Variants in MZF1 observed in about 807,000 individuals in gnomAD.
MZF1 encodes the protein zinc finger and SCAN domain-containing protein 6.
A neutral mutation model predicts 28.6 loss-of-function variants in MZF1; 24 were observed. The ratio of observed to expected loss-of-function variants is 0.84; its 90% confidence interval spans 0.61 to 1.18. The LOEUF (loss-of-function observed/expected upper bound fraction) is 1.18. MZF1 is among the 50% of genes most tolerant of loss of function. MZF1 has a pLI of 0.00. For missense variants in MZF1, 1,166 were observed against 1,026.4 expected, an observed-to-expected ratio of 1.14 and a Z score of -1.86; for synonymous variants, 516 against 432.5, an observed-to-expected ratio of 1.19 and a Z score of -2.40.
intron 5 of MZF1, chr19:58,568,679 A>C (rs1490366025): frequency 6.6e-6 from 1 of 152,420 alleles, no homozygotes; most frequent in Non-Finnish European, 1.5e-5. Context: ...GCTCCACCAA[A>C]ACAAAGGTGT....
In MZF1 at chr19:58,573,264, C is replaced by T. The variant is rs1441452484; in HGVS notation, c.-250G>A. The T allele has an allele frequency of 6.6e-6, 1 of 152,632 alleles. No homozygotes were observed. Among genetic ancestry groups the T allele is most frequent in the Non-Finnish European group, 1.5e-5 (1 of 68,112 alleles). 9.5% of individuals were successfully genotyped at this position (152,632 alleles called of 1,614,324 possible). A position where few individuals can be genotyped will look rare whatever the true frequency, so the allele number is the denominator to read the frequency against. On this transcript the variant is annotated 5_prime_UTR_variant, in exon 1 of 6. The change abolishes an upstream ATG in the 5' untranslated region. Coordinates refer to ENST00000215057, the MANE Select transcript of MZF1 (RefSeq NM_198055.2). ...GGTCATACTCCTGGCCGCTTCTTCC[C>T]ATGCTCCCCGCCTCGAATCCGTGCG...
chr19:58,571,071 G>A lies in MZF1; in HGVS notation c.319C>T (p.Gln107Ter). The change falls in exon 2 of 6, where the codon CAG becomes TAG. Residue 107 changes from glutamine (Q) to a stop codon, truncating the protein, a stop_gained. Transcript: ENST00000215057. LOFTEE classifies it high-confidence loss of function. ...GCCTCCTCGGGGCTGCCTGGCCGCT[G>A]CCCCTGCACACGGGCCTGGATCTCA... The part of the protein sequence containing the change: ...PPEIQARVQG[Q>*]RPGSPEEAAA... The A allele has an allele frequency of 2.5e-6, 4 of 1,613,582 alleles. No homozygotes were observed. The highest frequency in any genetic ancestry group is 3.4e-6 in the Non-Finnish European group (4 of 1,179,934).
rs762731329 is a variant in MZF1 at position 58,563,430 on chromosome 19, G to A, written c.847C>T (p.Leu283Phe). Residue 283 changes from leucine (L) to phenylalanine (F), a missense_variant, in exon 6 of 6, where the codon CTC becomes TTC. Physicochemically the swap from Leu to Phe is conservative, Grantham distance 22. Transcript: ENST00000215057. ...VSPHLHVPWD[L>F]GMAGLSGQIQ... The stretch of plus-strand genomic sequence containing the variant: ...TGGCCAGAAAGGCCAGCCATGCCGA[G>A]GTCCCAGGGGACGTGGAGGTGAGGG... 1.3e-6 allele frequency: 2 copies of A among 1,590,426 alleles called. No individual in the cohort carries two copies. Among genetic ancestry groups the A allele is most frequent in the Non-Finnish European group, 1.7e-6 (2 of 1,168,314 alleles).
In MZF1 at chr19:58,562,149, C is replaced by A; in HGVS notation, c.2128G>T (p.Ala710Ser). 1 of 1,588,942 alleles carries A rather than the reference C, an allele frequency of 6.3e-7. No homozygotes were observed. Among genetic ancestry groups the A allele is most frequent in the East Asian group, 2.3e-5 (1 of 43,344 alleles). ...AAGCGGCGGCCACAGTCCTGGCAGG[C>A]GAAGGGCTTCTCTCGTCGGTGGGTG... ...LRTHRREKPF[A>S]CQDCGRRFHQ... Residue 710 changes from alanine (A) to serine (S), a missense_variant, in exon 6 of 6, where the codon GCC (alanine) becomes TCC (serine). Ala to Ser is a moderately conservative substitution (Grantham distance 99). Coordinates refer to ENST00000215057, the MANE Select transcript of MZF1 (RefSeq NM_198055.2).
upstream of MZF1, chr19:58,573,378 T>C (rs2054203089): frequency 6.6e-6 from 1 of 152,498 alleles, no homozygotes; most frequent in Admixed American, 6.5e-5. Context: ...CTCACTTCTC[T>C]ACGGGCCTTC....
chr19:58,567,924 C>T (rs1337629873), intron 5 of MZF1, among the ~76,000 whole-genome samples: 1 of 152,038 alleles, frequency 6.6e-6, no homozygotes, highest in Admixed American at 6.6e-5. Flanking sequence ...AGAATAAAAA[C>T]ACTCTTGGAA....
chr19:58,563,877 A>G (rs572586644), intron 5 of MZF1: 21 of 193,680 alleles, frequency 1.1e-4, no homozygotes, highest in South Asian at 3.1e-4. Context: ...GCCAACAGAA[A>G]GAGGGTGCAG....
At position 58,571,262 on chromosome 19, in the gene MZF1, G is replaced by A; in HGVS notation, c.128C>T (p.Ala43Val). The change falls in exon 2 of 6, where the codon GCA becomes GTA. Residue 43 changes from alanine to valine, a missense_variant. Physicochemically the swap from Ala to Val is moderately conservative, Grantham distance 64. Transcript: ENST00000215057. ...AALWDPGPEA[A>V]RLRFRCFRYE... is the part of the protein sequence containing the mutation. Reference sequence around the variant, plus strand: ...GCGGAAGCACCGGAAACGCAGGCGTGCAGCTTCAGGGCCTGGGTCCCATAA... The same window carrying A: ...GCGGAAGCACCGGAAACGCAGGCGTACAGCTTCAGGGCCTGGGTCCCATAA... 1 of 1,613,282 alleles carries A rather than the reference G, an allele frequency of 6.2e-7. No individual in the cohort carries two copies.
At chr19:58,567,171 G>A (rs962747256) in intron 5 of MZF1, among the ~76,000 whole-genome samples, 5 of 152,212 alleles carry the variant, frequency 3.3e-5, no homozygotes, top group Non-Finnish European at 7.3e-5. Flanking sequence ...GCCTCCCAAA[G>A]TGCTGGGATT....
At chr19:58,567,422 A>G (rs185244487) in intron 5 of MZF1, among the ~76,000 whole-genome samples, 2 of 152,354 alleles carry the variant, frequency 1.3e-5, no homozygotes, top group Admixed American at 1.3e-4. Context: ...GCAGAAGGCT[A>G]TGTTAAGGGT....
chr19:58,569,930 C>A (rs892931094), intron 3 of MZF1: 3 of 319,116 alleles, frequency 9.4e-6, no homozygotes, highest in African/African-American at 6.5e-5. Context: ...GGTGCCCTGC[C>A]TGGGAGGTGA....
chr19:58,565,775 G>A lies in MZF1; in HGVS notation c.773-2271C>T, dbSNP rs566086299. Among the ~76,000 whole-genome samples, 625 of 144,602 alleles carry A rather than the reference G, an allele frequency of 4.3e-3. 5 individuals carry two copies. The highest frequency in any genetic ancestry group is 0.013 in the African/African-American group (501 of 39,106). 94.9% of individuals were successfully genotyped at this position (144,602 alleles called of 152,430 possible). On this transcript the variant is annotated intron_variant, in intron 5 of 5. Coordinates refer to ENST00000215057, the MANE Select transcript of MZF1 (RefSeq NM_198055.2). Reference sequence around the variant, plus strand: ...TCTCGATCTCCTGACCTCGTGATCCGCCCGCCTTGGCCTCCCAAAGTGCTG... The same window carrying A: ...TCTCGATCTCCTGACCTCGTGATCCACCCGCCTTGGCCTCCCAAAGTGCTG...
At chr19:58,570,803 C>A in intron 2 of MZF1, 191 bp downstream of exon 2, 1 of 678,866 alleles carries the variant, frequency 1.5e-6, no homozygotes. Context: ...GCAGGTGATG[C>A]AGGAATGGGC....
At chr19:58,566,222 G>A (rs2054053819) in intron 5 of MZF1, among the ~76,000 whole-genome samples, 1 of 151,544 alleles carries the variant, frequency 6.6e-6, no homozygotes, top group Admixed American at 6.6e-5. Flanking sequence ...AAAGGTGGGC[G>A]GATCACCTGA....
intron 5 of MZF1, among the ~76,000 whole-genome samples, chr19:58,565,449 C>T (rs1412757178): frequency 6.6e-6 from 1 of 152,052 alleles, no homozygotes; most frequent in African/African-American, 2.4e-5. Context: ...AGGCTGGTCT[C>T]GATCTCCTGA....
chr19:58,562,250 G>A lies in MZF1; in HGVS notation c.2027C>T (p.Thr676Met), dbSNP rs755167458. 4 of 1,605,320 alleles carry A rather than the reference G, an allele frequency of 2.5e-6. No individual in the cohort carries two copies. The highest frequency in any genetic ancestry group is 1.7e-5 in the Admixed American group (1 of 59,270). Reference sequence around the variant, plus strand: ...AGGGCATGCGTAGGGCCGTTCACCCGTGTGGATGCGCCGGTGCTGGGTGAG... The same window carrying A: ...AGGGCATGCGTAGGGCCGTTCACCCATGTGGATGCGCCGGTGCTGGGTGAG... Reference protein sequence around the residue: ...ANLTQHRRIHTGERPYACPEC... With the variant: ...ANLTQHRRIHMGERPYACPEC... The change falls in exon 6 of 6, where the codon ACG becomes ATG. Residue 676 changes from threonine to methionine, a missense_variant. By Grantham distance (81) the Thr-to-Met change is moderately conservative. Coordinates refer to ENST00000215057, the MANE Select transcript of MZF1 (RefSeq NM_198055.2).
Position 58,563,275 on chromosome 19 carries a change from G to C in MZF1, c.1002C>G (p.Arg334=). The part of the protein sequence containing the change: ...RGVGPALITT[R]WRSPRGRSRG... ...GGCTCCGGCCCCTGGGGGAGCGCCA[G>C]CGGGTGGTGATCAGAGCAGGGCCCA... Residue 334 remains arginine, a synonymous_variant, in exon 6 of 6, where the codon CGC becomes CGG. Transcript: ENST00000215057. The C allele has an allele frequency of 1.2e-6, 2 of 1,607,576 alleles. No homozygotes were observed. Among genetic ancestry groups the C allele is most frequent in the Non-Finnish European group, 8.5e-7 (1 of 1,177,470 alleles).
chr19:58,561,947 T>G lies in MZF1; in HGVS notation c.*125A>C. 1.0e-6 allele frequency: 1 copy of G among 984,682 alleles called. No homozygotes were observed. The highest frequency in any genetic ancestry group is 2.5e-5 in the Admixed American group (1 of 39,274). 61.0% of individuals were successfully genotyped at this position (984,682 alleles called of 1,614,324 possible). The stretch of plus-strand genomic sequence containing the variant: ...GGAGACCCAGTTTCCATCTACTGTT[T>G]ATTGGACACCTACAGTAGCCAAGCC... On this transcript the variant is annotated 3_prime_UTR_variant, in exon 6 of 6. Transcript: ENST00000215057.
At chr19:58,566,122 CAG>C (rs1265478008) in intron 5 of MZF1, among the ~76,000 whole-genome samples, 1 of 145,540 alleles carries the variant, frequency 6.9e-6, no homozygotes, top group African/African-American at 2.6e-5. Context: ...GCCTGGGCGA[CAG>C]AGTGAGACTC....
Sources: allele counts gnomAD v4.1 joint callset (sites outside exome capture counted in the v4.1 genomes callset), GRCh38; gene constraint gnomAD v4.1.1; transcripts MANE v1.5; gene names NCBI Gene and HGNC (gene_info 2026-07-23, HGNC 2026-07-21).